Variants in EYA2 observed in about 807,000 individuals in gnomAD.
EYA2 encodes protein phosphatase EYA2.
EYA2 carries 31 observed loss-of-function variants against 69.2 expected under a neutral mutation model. The ratio of observed to expected loss-of-function variants is 0.45; its 90% CI spans 0.34 to 0.60. EYA2 has a LOEUF of 0.60. Ranked by LOEUF, EYA2 falls within the 20% of genes least tolerant of loss-of-function variation. The pLI, the probability that EYA2 is intolerant of heterozygous loss-of-function variation, is 0.02. For synonymous variants in EYA2, 257 were observed against 279.4 expected (o/e 0.92, Z 0.80); for missense variants, 622 against 701.2 (o/e 0.89, Z 1.28).
chr20:46,904,472 C>T (rs1984260563), intron 1 of EYA2, among the ~76,000 whole-genome samples: 1 of 152,006 alleles, frequency 6.6e-6, no homozygotes, highest in African/African-American at 2.4e-5. Flanking sequence ...TTTTATAACC[C>T]AAGCTTAAAG....
intron 9 of EYA2, among the ~76,000 whole-genome samples, chr20:47,127,186 G>C (rs552371459): frequency 2.8e-4 from 42 of 151,928 alleles, no homozygotes; most frequent in African/African-American, 8.7e-4. Flanking sequence ...CACATCTAAA[G>C]TGCCACTAAC....
At chr20:47,019,971 T>TA (rs113968732) in intron 5 of EYA2, among the ~76,000 whole-genome samples, 3,794 of 132,954 alleles carry the variant, frequency 0.029, 153 homozygotes, top group African/African-American at 0.082. Context: ...ACCCTATCTT[T>TA]AAAAAAAAAA....
rs141006082 is a variant in EYA2 at position 46,967,189 on chromosome 20, A to G, written c.-10-22812A>G. Reference sequence around the variant, plus strand: ...TTGTTTTGTTTTGTTTTTAGTTGAGATGGGGTTTCACCATGTTGGTCAGGC... The same window carrying G: ...TTGTTTTGTTTTGTTTTTAGTTGAGGTGGGGTTTCACCATGTTGGTCAGGC... On this transcript the variant is annotated intron_variant, in intron 1 of 15. Transcript: ENST00000327619. 3.3e-3 allele frequency among the ~76,000 whole-genome samples: 510 copies of G among 152,292 alleles called. 1 individual carries two copies. The highest frequency in any genetic ancestry group is 0.012 in the African/African-American group (478 of 41,558).
intron 9 of EYA2, among the ~76,000 whole-genome samples, chr20:47,097,607 C>T (rs2032291386): frequency 6.6e-6 from 1 of 152,190 alleles, no homozygotes; most frequent in East Asian, 1.9e-4. Flanking sequence ...GAGGCATTGT[C>T]AGCTCCAGTG....
chr20:47,069,755 T>TA (rs991074458), intron 5 of EYA2, among the ~76,000 whole-genome samples: 3 of 152,024 alleles, frequency 2.0e-5, no homozygotes, highest in African/African-American at 4.8e-5. Flanking sequence ...ACAAAAATTT[T>TA]AAAAAATAAT....
intron 1 of EYA2, among the ~76,000 whole-genome samples, chr20:46,987,997 TGGGGCAAAAAAAAAATACAGAATAAAA>T (rs1981398401): frequency 1.4e-5 from 1 of 69,022 alleles, no homozygotes; most frequent in Non-Finnish European, 2.9e-5. Flanking sequence ...TATATATATA[TGGGGCAAAAAAAAAATACAGAATAAAA>T]ATAATATATG....
At chr20:47,085,195 GTAAAAA>G (rs2031856782) in intron 7 of EYA2, among the ~76,000 whole-genome samples, 1 of 151,928 alleles carries the variant, frequency 6.6e-6, no homozygotes, top group Non-Finnish European at 1.5e-5. Context: ...AACAAGCTCA[GTAAAAA>G]TAAAAAGCTT....
intron 1 of EYA2, among the ~76,000 whole-genome samples, chr20:46,922,927 C>T (rs1313437352): frequency 1.3e-5 from 2 of 152,230 alleles, no homozygotes; most frequent in East Asian, 3.9e-4. Context: ...GCAGCATCAC[C>T]CATGCAGTAT....
intron 2 of EYA2, among the ~76,000 whole-genome samples, chr20:47,000,644 C>T (rs1393032300): frequency 2.0e-5 from 3 of 152,268 alleles, no homozygotes; most frequent in African/African-American, 2.4e-5. Context: ...AAATTATCCC[C>T]GGGCAAACGT....
At chr20:46,928,894 C>T (rs1369552065) in intron 1 of EYA2, among the ~76,000 whole-genome samples, 1 of 152,170 alleles carries the variant, frequency 6.6e-6, no homozygotes, top group Non-Finnish European at 1.5e-5. Flanking sequence ...TTAGGGGCCT[C>T]TACCTCTGAA....
At chr20:47,005,985 T>A (rs1236231430) in intron 4 of EYA2, among the ~76,000 whole-genome samples, 1 of 152,238 alleles carries the variant, frequency 6.6e-6, no homozygotes, top group Non-Finnish European at 1.5e-5. Flanking sequence ...TGGAAAAACC[T>A]AGGGCACTGG....
At chr20:47,000,148 C>G (rs1159402250) in intron 2 of EYA2, among the ~76,000 whole-genome samples, 2 of 152,158 alleles carry the variant, frequency 1.3e-5, no homozygotes, top group East Asian at 1.9e-4. Flanking sequence ...GAGAATAGAA[C>G]CTTTCTCACA....
chr20:46,983,977 A>C (rs566568931), intron 1 of EYA2, among the ~76,000 whole-genome samples: 1 of 152,310 alleles, frequency 6.6e-6, no homozygotes, highest in East Asian at 1.9e-4. Flanking sequence ...AGGTTGACTA[A>C]AAATACAAGC....
At chr20:47,072,544 A>G (rs1184816381) in intron 6 of EYA2, among the ~76,000 whole-genome samples, 1 of 152,180 alleles carries the variant, frequency 6.6e-6, no homozygotes, top group Non-Finnish European at 1.5e-5. Flanking sequence ...AATCTGATAT[A>G]TATCAATACA....
At chr20:47,134,595 C>T (rs1032434945) in intron 9 of EYA2, among the ~76,000 whole-genome samples, 17 of 152,072 alleles carry the variant, frequency 1.1e-4, no homozygotes, top group African/African-American at 4.1e-4. Context: ...CACACAAACA[C>T]ACACACACCC....
intron 12 of EYA2, among the ~76,000 whole-genome samples, chr20:47,173,102 A>T (rs3827048): frequency 0.018 from 2,744 of 152,260 alleles, 122 homozygotes; most frequent in East Asian, 0.18. Flanking sequence ...CCTTCAGGCC[A>T]CAAATGGCGC....
chr20:46,936,393 C>T (rs1235344918), intron 1 of EYA2, among the ~76,000 whole-genome samples: 2 of 152,186 alleles, frequency 1.3e-5, no homozygotes, highest in Non-Finnish European at 2.9e-5. Context: ...ATCGCTTGAA[C>T]CCGGGAGGCA....
rs117831635 is a variant in EYA2, at chr20:47,096,619, A to G, written c.805-466A>G. Among the ~76,000 whole-genome samples, 1,258 of 152,358 alleles carry G rather than the reference A, an allele frequency of 8.3e-3. 8 individuals carry two copies. The highest frequency in any genetic ancestry group is 0.014 in the Non-Finnish European group (926 of 68,030). On this transcript the variant is annotated intron_variant, in intron 8 of 15. Transcript: ENST00000327619. Reference sequence around the variant, plus strand: ...AAACCCTCATCTTTTAAGACTGCCCAGTCAAAAGATATTGTCTCAAGTTGA... The same window carrying G: ...AAACCCTCATCTTTTAAGACTGCCCGGTCAAAAGATATTGTCTCAAGTTGA...
chr20:47,179,691 C>T (rs2034500791), intron 12 of EYA2, 107 bp from the exon 13 acceptor site: 2 of 692,960 alleles, frequency 2.9e-6, no homozygotes, highest in Non-Finnish European at 4.8e-6. Flanking sequence ...TTTGGGTTGT[C>T]ATCTGATTTT....
Sources: allele counts gnomAD v4.1 joint callset (sites outside exome capture counted in the v4.1 genomes callset), GRCh38; gene constraint gnomAD v4.1.1; transcripts MANE v1.5; gene names NCBI Gene and HGNC (gene_info 2026-07-23, HGNC 2026-07-21).